Variants in HSPA12A observed in about 807,000 individuals in gnomAD.
The protein encoded by HSPA12A is heat shock protein family A (Hsp70) member 12A, also known as heat shock 70 kDa protein 12A.
A neutral mutation model predicts 69.2 loss-of-function variants in HSPA12A; 28 were observed. The ratio of observed to expected loss-of-function variants is 0.40; its 90% CI spans 0.30 to 0.55. The LOEUF (loss-of-function observed/expected upper bound fraction) is 0.55, where lower values mean the gene tolerates loss of function less well. Ranked by LOEUF, HSPA12A falls within the 20% of genes least tolerant of loss-of-function variation. HSPA12A has a pLI of 0.38. For synonymous variants in HSPA12A, 345 were observed against 370.5 expected, an observed-to-expected ratio of 0.93 and a Z score of 0.79; for missense variants, 686 against 900.7, an observed-to-expected ratio of 0.76 and a Z score of 3.05.
At position 116,675,995 on chromosome 10, in the gene HSPA12A, T is replaced by C. The variant is rs1055162237; in HGVS notation, c.1390+404A>G. Among the ~76,000 whole-genome samples the C allele has an allele frequency of 1.3e-5, 2 of 152,242 alleles. No homozygotes were observed. The highest frequency in any genetic ancestry group is 2.9e-5 in the Non-Finnish European group (2 of 68,044). On this transcript the variant is annotated intron_variant, in intron 11 of 11. Transcript: ENST00000369209. This position sits in a 1 kb window ranked among gnomAD's most constrained non-coding sequence, Gnocchi z 5.2. ...TAGCAGGGTGAGGATGTCTAACATG[T>C]CCCAGTAAAGCAAAGAATATGCATT...
At position 116,705,169 on chromosome 10, in the gene HSPA12A, T is replaced by G. The variant is rs1554882210; in HGVS notation, c.236A>C (p.Glu79Ala). 1.9e-6 allele frequency: 3 copies of G among 1,614,178 alleles called. No homozygotes were observed. The African/African-American group carries it at 4.0e-5, about 22-fold the overall frequency. Reference sequence around the variant, plus strand: ...CACTCACCTCATCACATGGATGCATTCCGGCTCCTTGGTGAAGCTGTAGGC... The same window carrying G: ...CACTCACCTCATCACATGGATGCATGCCGGCTCCTTGGTGAAGCTGTAGGC... ...GYAYSFTKEP[E>A]CIHVMRRWEG... is the part of the protein sequence containing the mutation. Residue 79 changes from glutamate to alanine, a missense_variant, in exon 3 of 12, where the codon GAA becomes GCA. Coordinates refer to ENST00000369209, the MANE Select transcript of HSPA12A (RefSeq NM_025015.3).
chr10:116,722,224 G>A (rs1850803790), intron 1 of HSPA12A, among the ~76,000 whole-genome samples: 1 of 152,196 alleles, frequency 6.6e-6, no homozygotes, highest in Admixed American at 6.5e-5. Flanking sequence ...CTCCAGACGG[G>A]TCAGGCGCAG....
At chr10:116,734,752 G>A (rs1851262951) in intron 1 of HSPA12A, among the ~76,000 whole-genome samples, 1 of 148,734 alleles carries the variant, frequency 6.7e-6, no homozygotes, top group African/African-American at 2.5e-5. Flanking sequence ...CCAGCACTTT[G>A]GGAGGCCGAG....
intron 6 of HSPA12A, among the ~76,000 whole-genome samples, chr10:116,690,986 G>A (rs1420459968): frequency 4.6e-5 from 7 of 152,194 alleles, no homozygotes; most frequent in African/African-American, 1.7e-4. Flanking sequence ...CCATTTCTGG[G>A]CCCTGCCGGA....
intron 2 of HSPA12A, among the ~76,000 whole-genome samples, chr10:116,782,931 C>T (rs926773314): frequency 2.2e-4 from 33 of 152,148 alleles, no homozygotes; most frequent in African/African-American, 7.0e-4. Context: ...GTCACCCTCA[C>T]GGAGGGTACT....
intron 1 of HSPA12A, among the ~76,000 whole-genome samples, chr10:116,836,207 G>A (rs1199442476): frequency 6.6e-6 from 1 of 152,142 alleles, no homozygotes; most frequent in East Asian, 1.9e-4. Context: ...CAGCTGCGGA[G>A]CTTATTGAAA....
chr10:116,849,807 C>T (rs1846011286), upstream of HSPA12A: 3 of 1,411,242 alleles, frequency 2.1e-6, no homozygotes, highest in East Asian at 5.1e-5. Context: ...CGCCTTGCGC[C>T]TGCGCCTGCG....
intron 2 of HSPA12A, among the ~76,000 whole-genome samples, chr10:116,814,372 C>A (rs1222761413): frequency 3.9e-5 from 6 of 152,168 alleles, no homozygotes; most frequent in African/African-American, 1.4e-4. Flanking sequence ...AGGATCCATA[C>A]AGGAACCCCC....
intron 1 of HSPA12A, among the ~76,000 whole-genome samples, chr10:116,738,037 T>G (rs1564802815): frequency 1.3e-5 from 2 of 152,138 alleles, no homozygotes; most frequent in Non-Finnish European, 2.9e-5. Context: ...AAGCCCCTGA[T>G]TCCTCCCCGC....
At chr10:116,783,472 C>G (rs935752794) in intron 2 of HSPA12A, among the ~76,000 whole-genome samples, 3 of 152,170 alleles carry the variant, frequency 2.0e-5, no homozygotes, top group African/African-American at 7.2e-5. Flanking sequence ...TGTGGGTGGA[C>G]TTGGCTGGAG....
intron 2 of HSPA12A, among the ~76,000 whole-genome samples, chr10:116,805,399 G>C (rs1845047473): frequency 6.6e-6 from 1 of 151,978 alleles, no homozygotes; most frequent in Non-Finnish European, 1.5e-5. Context: ...TGAATTCCTA[G>C]ATCATTTTTT....
rs1589628069 is a variant in HSPA12A at position 116,686,845 on chromosome 10, A to C, written c.664-2883T>G. On this transcript the variant is annotated intron_variant, in intron 6 of 11. Coordinates refer to ENST00000369209, the MANE Select transcript of HSPA12A (RefSeq NM_025015.3). The surrounding 1 kb of genome is among the most constrained non-coding windows in gnomAD (Gnocchi z 4.1). Reference sequence around the variant, plus strand: ...CACCCCTTCCCAAACCATAAGCTCCACCCCTCATCCCTCTTCCCACACCAT... The same window carrying C: ...CACCCCTTCCCAAACCATAAGCTCCCCCCCTCATCCCTCTTCCCACACCAT... 2.4e-5 allele frequency among the ~76,000 whole-genome samples: 3 copies of C among 124,636 alleles called. No individual in the cohort carries two copies. Among genetic ancestry groups the C allele is most frequent in the Admixed American group, 8.7e-5 (1 of 11,470 alleles). The allele number at this position is 124,636 out of a possible 152,430, so 81.8% of individuals were successfully genotyped here.
At chr10:116,719,397 C>T (rs917472384) in intron 1 of HSPA12A, among the ~76,000 whole-genome samples, 5 of 152,222 alleles carry the variant, frequency 3.3e-5, no homozygotes, top group Non-Finnish European at 7.3e-5. Context: ...GCCACCAGCA[C>T]ACAGATGCAG....
chr10:116,801,744 G>GA (rs889850291), intron 2 of HSPA12A, among the ~76,000 whole-genome samples: 22 of 146,502 alleles, frequency 1.5e-4, no homozygotes, highest in African/African-American at 2.3e-4. Flanking sequence ...TTCACCAAAA[G>GA]AAAAAAAAAA....
chr10:116,785,351 C>T (rs1373835503), intron 2 of HSPA12A, among the ~76,000 whole-genome samples: 3 of 152,152 alleles, frequency 2.0e-5, no homozygotes, highest in African/African-American at 7.2e-5. Flanking sequence ...GGAGGAACGG[C>T]CCCGACCCAG....
intron 2 of HSPA12A, among the ~76,000 whole-genome samples, chr10:116,785,682 G>GAC (rs1377996140): frequency 6.6e-6 from 1 of 151,950 alleles, no homozygotes; most frequent in South Asian, 2.1e-4. Flanking sequence ...CTCTCGGACA[G>GAC]ACACACACAC....
At position 116,805,380 on chromosome 10, in the gene HSPA12A, G is replaced by GT. The variant is rs567283744; in HGVS notation, c.91+29554dup. Among the ~76,000 whole-genome samples, 1,444 of 151,372 alleles carry GT rather than the reference G, an allele frequency of 9.5e-3. 9 individuals are homozygous for GT. The highest frequency in any genetic ancestry group is 0.017 in the Non-Finnish European group (1,165 of 67,804). On this transcript the variant is annotated intron_variant, in intron 2 of 12. Transcript: ENST00000635765. ...TTCCATTTTAAAGCTGGAGTTGAAG[G>GT]TTTTTTTTTGAATTCCTAGATCATT...
intron 4 of HSPA12A, 76 bp downstream of exon 4, chr10:116,700,867 C>A: frequency 6.8e-7 from 1 of 1,478,872 alleles, no homozygotes; most frequent in Non-Finnish European, 9.3e-7. Context: ...GAGGACATCC[C>A]TTCCCCACCC....
intron 2 of HSPA12A, chr10:116,831,653 GAGTCTATC>G (rs1307564030): frequency 6.6e-6 from 1 of 152,178 alleles, no homozygotes; most frequent in Admixed American, 6.5e-5. Flanking sequence ...AATACTACTG[GAGTCTATC>G]AATGCCACAA....
Sources: allele counts gnomAD v4.1 joint callset (sites outside exome capture counted in the v4.1 genomes callset), GRCh38; gene constraint gnomAD v4.1.1; non-coding constraint Gnocchi (gnomAD v3.1); transcripts MANE v1.5; gene names NCBI Gene and HGNC (gene_info 2026-07-23, HGNC 2026-07-21).